Variants in ADGRG6 observed in about 807,000 individuals in gnomAD.
The protein encoded by ADGRG6 is adhesion G protein-coupled receptor G6.
Under a neutral mutation model 142.4 loss-of-function variants are expected in ADGRG6, and 84 were observed. The ratio of observed to expected loss-of-function variants is 0.59; its 90% CI spans 0.49 to 0.71. The LOEUF (loss-of-function observed/expected upper bound fraction) is 0.71, where lower values mean the gene tolerates loss of function less well. Ranked by LOEUF, ADGRG6 falls within the 30% of genes least tolerant of loss-of-function variation. The pLI, the probability that ADGRG6 is intolerant of heterozygous loss-of-function variation, is 0.00. For missense variants in ADGRG6, 1,367 were observed against 1,466.6 expected (o/e 0.93, Z 1.11); for synonymous variants, 521 against 520.5 (o/e 1.00, Z -0.01).
In ADGRG6 at chr6:142,405,840, C is replaced by G. The variant is rs766645092; in HGVS notation, c.2268+12C>G. ...CTGGACTTTTCCAGGTAAGCACATT[C>G]ATTAAATTATTGTTTTTCAACTGCA... On this transcript the variant is annotated intron_variant, in intron 15 of 24. Transcript: ENST00000367609. 6.4e-7 allele frequency: 1 copy of G among 1,552,606 alleles called. No homozygotes were observed.
chr6:142,425,868 AAGAG>A (rs1257623283), intron 22 of ADGRG6, among the ~76,000 whole-genome samples: 1 of 152,176 alleles, frequency 6.6e-6, no homozygotes, highest in Non-Finnish European at 1.5e-5. Flanking sequence ...GCGGTAGGCA[AAGAG>A]AGAGTTTGTG....
At chr6:142,404,234 C>A in intron 14 of ADGRG6, 2 of 427,174 alleles carry the variant, frequency 4.7e-6, no homozygotes, top group Non-Finnish European at 8.3e-6. Context: ...GTAGGGGCCA[C>A]CATACTTGGG....
intron 2 of ADGRG6, among the ~76,000 whole-genome samples, chr6:142,318,885 C>T (rs1778381346): frequency 6.6e-6 from 1 of 151,856 alleles, no homozygotes; most frequent in African/African-American, 2.4e-5. Flanking sequence ...AAGTGAGGGC[C>T]GATGCTGACA....
At chr6:142,323,224 T>C (rs1778603236) in intron 2 of ADGRG6, among the ~76,000 whole-genome samples, 1 of 151,984 alleles carries the variant, frequency 6.6e-6, no homozygotes, top group Non-Finnish European at 1.5e-5. Flanking sequence ...AGGTCCCAGA[T>C]GGCTTGCGGG....
intron 1 of ADGRG6, chr6:142,302,606 G>T: frequency 4.5e-6 from 2 of 441,748 alleles, no homozygotes; most frequent in Admixed American, 4.1e-5. Context: ...AATAAGAAGG[G>T]CAGGGCTTCA....
At chr6:142,365,052 C>T (rs935930792) in intron 2 of ADGRG6, among the ~76,000 whole-genome samples, 3 of 152,104 alleles carry the variant, frequency 2.0e-5, no homozygotes, top group Non-Finnish European at 4.4e-5. Flanking sequence ...GAGGTTGTTG[C>T]TTACTTTCCT....
At chr6:142,364,789 G>A (rs1780870718) in intron 2 of ADGRG6, among the ~76,000 whole-genome samples, 1 of 152,172 alleles carries the variant, frequency 6.6e-6, no homozygotes, top group East Asian at 1.9e-4. Context: ...TGGGAGGATT[G>A]CTTGAGCCCA....
intron 2 of ADGRG6, among the ~76,000 whole-genome samples, chr6:142,311,737 A>G (rs1430543597): frequency 6.6e-6 from 1 of 151,880 alleles, no homozygotes; most frequent in Non-Finnish European, 1.5e-5. Flanking sequence ...AGTGTCCACT[A>G]AATCTGTATT....
chr6:142,421,687 GCT>G (rs1452716984), intron 22 of ADGRG6, among the ~76,000 whole-genome samples: 1 of 152,110 alleles, frequency 6.6e-6, no homozygotes, highest in East Asian at 1.9e-4. Flanking sequence ...TGTCTGTTCA[GCT>G]CTGTTTCCAT....
At chr6:142,368,027 G>C in intron 3 of ADGRG6, 117 bp downstream of exon 3, 1 of 626,920 alleles carries the variant, frequency 1.6e-6, no homozygotes, top group Non-Finnish European at 2.8e-6. Context: ...GATTAGGATT[G>C]GGATATAAGG....
At position 142,377,304 on chromosome 6, in the gene ADGRG6, C is replaced by G. The variant is rs180915212; in HGVS notation, c.1070-4647C>G. On this transcript the variant is annotated intron_variant, in intron 4 of 24. Transcript: ENST00000367609. ...TGAGACGGAGGCCTGCCAACAGGCC[C>G]TCCACCTCACTGATTGATTCCCAGG... 2.8e-3 allele frequency among the ~76,000 whole-genome samples: 420 copies of G among 152,334 alleles called. 3 individuals are homozygous for G. Among genetic ancestry groups the G allele is most frequent in the African/African-American group, 9.7e-3 (403 of 41,574 alleles).
In ADGRG6 at chr6:142,370,420, G is replaced by C. The variant is rs536355947; in HGVS notation, c.696G>C (p.Leu232Phe). The change falls in exon 4 of 25, where the codon TTG (leucine) becomes TTC (phenylalanine). Residue 232 changes from leucine to phenylalanine, a missense_variant. Physicochemically the swap from Leu to Phe is conservative, Grantham distance 22. Transcript: ENST00000367609. ...TATCCATTTCTGATTCAAAATGTTTGTTGAATAATGCATTACCTGTCAAAG... is the reference window on the plus strand; with the variant it reads ...TATCCATTTCTGATTCAAAATGTTTCTTGAATAATGCATTACCTGTCAAAG... ...YFLSISDSKC[L>F]LNNALPVKEK... 2.5e-6 allele frequency: 4 copies of C among 1,613,492 alleles called. No homozygotes were observed. The highest frequency in any genetic ancestry group is 3.4e-6 in the Non-Finnish European group (4 of 1,179,658).
intron 2 of ADGRG6, among the ~76,000 whole-genome samples, chr6:142,319,524 G>C (rs1373349456): frequency 1.3e-5 from 2 of 151,976 alleles, no homozygotes; most frequent in African/African-American, 4.8e-5. Context: ...TCTTCAAATT[G>C]TTCCTTTAGG....
chr6:142,428,897 C>T (rs143202775), intron 22 of ADGRG6, among the ~76,000 whole-genome samples: 1 of 152,166 alleles, frequency 6.6e-6, no homozygotes, highest in African/African-American at 2.4e-5. Flanking sequence ...GATTTTTTTC[C>T]TGCAAAAATT....
At chr6:142,403,338 C>A (rs979582719) in intron 13 of ADGRG6, among the ~76,000 whole-genome samples, 22 of 152,056 alleles carry the variant, frequency 1.4e-4, no homozygotes, top group Non-Finnish European at 4.4e-5. Flanking sequence ...CTATTTCCTT[C>A]TCTTCTACAT....
intron 1 of ADGRG6, 98 bp from the exon 2 acceptor site, chr6:142,309,446 T>C (rs1777652528): frequency 1.4e-6 from 1 of 705,718 alleles, no homozygotes; most frequent in Non-Finnish European, 2.2e-6. Context: ...AAAAGGTTTA[T>C]TTTCCAGTCC....
rs966911564 is a variant in ADGRG6, at chr6:142,377,293, G to A, written c.1070-4658G>A. Among the ~76,000 whole-genome samples, 7 of 152,216 alleles carry A rather than the reference G, an allele frequency of 4.6e-5. No individual in the cohort carries two copies. The East Asian group carries it at 1.3e-3, about 29-fold the overall frequency. On this transcript the variant is annotated intron_variant, in intron 4 of 24. Transcript: ENST00000367609. ...GCTCAGCAAAGTGAGACGGAGGCCT[G>A]CCAACAGGCCCTCCACCTCACTGAT...
chr6:142,338,999 T>C (rs1254250625), intron 2 of ADGRG6, among the ~76,000 whole-genome samples: 1 of 152,222 alleles, frequency 6.6e-6, no homozygotes, highest in African/African-American at 2.4e-5. Context: ...GTATTAATTC[T>C]CTAAATTAAT....
chr6:142,372,551 T>A (rs1422015234), intron 4 of ADGRG6, among the ~76,000 whole-genome samples: 1 of 152,152 alleles, frequency 6.6e-6, no homozygotes, highest in Admixed American at 6.5e-5. Context: ...TGAAGTGATG[T>A]CATTTGAAAG....
Sources: allele counts gnomAD v4.1 joint callset (sites outside exome capture counted in the v4.1 genomes callset), GRCh38; gene constraint gnomAD v4.1.1; transcripts MANE v1.5; gene names NCBI Gene and HGNC (gene_info 2026-07-23, HGNC 2026-07-21).